CADPS2: variants seen among roughly 807,000 people sequenced by gnomAD.
CADPS2 encodes the protein calcium dependent secretion activator 2.
A neutral mutation model predicts 172.5 loss-of-function variants in CADPS2; 93 were observed. The observed-to-expected ratio is 0.54, with a 90% CI of 0.46 to 0.64. The LOEUF (loss-of-function observed/expected upper bound fraction) is 0.64, where lower values mean the gene tolerates loss of function less well. Ranked by LOEUF, CADPS2 falls within the 30% of genes least tolerant of loss-of-function variation. The probability of loss-of-function intolerance (pLI) is 0.00; values close to 1 mark genes in which losing one functional copy is unlikely to be tolerated. For missense variants in CADPS2, 1,420 were observed against 1,565.9 expected (o/e 0.91, Z 1.57); for synonymous variants, 546 against 555.2 (o/e 0.98, Z 0.23).
chr7:122,847,088 C>CT (rs995525740), intron 1 of CADPS2, among the ~76,000 whole-genome samples: 8 of 151,614 alleles, frequency 5.3e-5, no homozygotes, highest in East Asian at 1.9e-4. Context: ...ACATTCATAC[C>CT]TTTTTTTTTC....
At chr7:122,539,644 A>G (rs2062694147) in intron 8 of CADPS2, among the ~76,000 whole-genome samples, 1 of 152,160 alleles carries the variant, frequency 6.6e-6, no homozygotes, top group Non-Finnish European at 1.5e-5. Flanking sequence ...CAGCCTTTGT[A>G]ACCAATGTAA....
intron 1 of CADPS2, among the ~76,000 whole-genome samples, chr7:122,738,697 T>C (rs1176072765): frequency 6.6e-6 from 1 of 152,094 alleles, no homozygotes; most frequent in Admixed American, 6.6e-5. Context: ...AAAAGGCTTA[T>C]TAAACTGCCA....
chr7:122,806,266 G>C (rs1798775411), intron 1 of CADPS2, among the ~76,000 whole-genome samples: 1 of 152,176 alleles, frequency 6.6e-6, no homozygotes, highest in Non-Finnish European at 1.5e-5. Context: ...GAATAAATCA[G>C]TATTGTGATG....
chr7:122,745,705 G>C (rs1178930755), intron 1 of CADPS2, among the ~76,000 whole-genome samples: 1 of 151,246 alleles, frequency 6.6e-6, no homozygotes, highest in African/African-American at 2.4e-5. Context: ...TGAAGTAAGG[G>C]AAAGCAAATA....
chr7:122,659,334 G>T (rs1446934650), intron 3 of CADPS2, among the ~76,000 whole-genome samples: 1 of 137,962 alleles, frequency 7.2e-6, no homozygotes, highest in African/African-American at 2.7e-5. Context: ...AAACACCGTG[G>T]AAAAAAATGA....
At chr7:122,530,457 T>G (rs955153391) in intron 8 of CADPS2, among the ~76,000 whole-genome samples, 7 of 152,106 alleles carry the variant, frequency 4.6e-5, no homozygotes, top group African/African-American at 7.2e-5. Context: ...TCTACTAATG[T>G]TGTTAAAATA....
intron 28 of CADPS2, among the ~76,000 whole-genome samples, chr7:122,334,883 T>G (rs929559602): frequency 1.3e-5 from 2 of 152,190 alleles, no homozygotes; most frequent in African/African-American, 4.8e-5. Context: ...TAAGCTCCCT[T>G]GGGGCAAGGA....
At chr7:122,492,308 C>T (rs1175060474) in intron 9 of CADPS2, among the ~76,000 whole-genome samples, 1 of 152,076 alleles carries the variant, frequency 6.6e-6, no homozygotes, top group Non-Finnish European at 1.5e-5. Flanking sequence ...AAATTTTGGG[C>T]AGCCAGTGAC....
At chr7:122,553,773 T>C (rs2064637554) in intron 8 of CADPS2, among the ~76,000 whole-genome samples, 1 of 152,174 alleles carries the variant, frequency 6.6e-6, no homozygotes, top group South Asian at 2.1e-4. Flanking sequence ...TAACTCAGGG[T>C]AAGCCACTTC....
At position 122,478,699 on chromosome 7, in the gene CADPS2, A is replaced by G. The variant is rs574036846; in HGVS notation, c.1861+2153T>C. ...ATACAGACTTGAAAATAGGTGGCAT[A>G]GAAAATGATGTGAGGACTATCAGTG... On this transcript the variant is annotated intron_variant, in intron 12 of 29. Transcript: ENST00000449022. Among the ~76,000 whole-genome samples, 25 of 152,328 alleles carry G rather than the reference A, an allele frequency of 1.6e-4. No individual in the cohort carries two copies. The South Asian group carries it at 5.0e-3, about 30-fold the overall frequency.
intron 5 of CADPS2, among the ~76,000 whole-genome samples, chr7:122,618,211 C>T (rs1340913234): frequency 6.6e-6 from 1 of 152,060 alleles, no homozygotes; most frequent in East Asian, 1.9e-4. Context: ...CTTCTGAAGC[C>T]TTAATGAACA....
chr7:122,828,038 CT>C (rs965961388), intron 1 of CADPS2, among the ~76,000 whole-genome samples: 2 of 152,102 alleles, frequency 1.3e-5, no homozygotes, highest in African/African-American at 4.8e-5. Flanking sequence ...CTGTGGATGT[CT>C]GATTTTCCTT....
chr7:122,636,664 C>T lies in CADPS2; in HGVS notation c.787-7336G>A, dbSNP rs145995080. On this transcript the variant is annotated intron_variant, in intron 3 of 29. Transcript: ENST00000449022. ...TATTTTTAGTAAAGACAAGGTTTCA[C>T]CATGTTGACCAGACTGGTCTCGAAC... Among the ~76,000 whole-genome samples the T allele has an allele frequency of 9.9e-5, 15 of 152,152 alleles. No individual in the cohort carries two copies. The East Asian group carries it at 2.9e-3, about 29-fold the overall frequency.
intron 2 of CADPS2, among the ~76,000 whole-genome samples, chr7:122,700,369 A>G (rs148948750): frequency 6.6e-6 from 1 of 152,314 alleles, no homozygotes; most frequent in African/African-American, 2.4e-5. Flanking sequence ...AACAAAAACT[A>G]GTATAAAAAG....
At chr7:122,352,202 C>T (rs902966360) in intron 27 of CADPS2, among the ~76,000 whole-genome samples, 3 of 152,178 alleles carry the variant, frequency 2.0e-5, no homozygotes, top group African/African-American at 7.2e-5. Flanking sequence ...TACCTATGAG[C>T]TTTATACTAT....
chr7:122,833,399 G>T (rs1807231626), intron 1 of CADPS2, among the ~76,000 whole-genome samples: 1 of 151,972 alleles, frequency 6.6e-6, no homozygotes, highest in Admixed American at 6.6e-5. Flanking sequence ...TGCCCGGGCT[G>T]GAGTACAGTG....
chr7:122,843,763 G>A (rs553810846), intron 1 of CADPS2, among the ~76,000 whole-genome samples: 9 of 152,238 alleles, frequency 5.9e-5, no homozygotes, highest in Admixed American at 3.3e-4. Context: ...ATGAAGAGAT[G>A]GTAAAGAGGG....
chr7:122,785,767 T>C (rs1451669034), intron 1 of CADPS2, among the ~76,000 whole-genome samples: 2 of 152,074 alleles, frequency 1.3e-5, no homozygotes, highest in African/African-American at 2.4e-5. Flanking sequence ...TCTACCCCTC[T>C]GGAGCTCTTT....
At chr7:122,727,970 G>A (rs958381219) in intron 2 of CADPS2, among the ~76,000 whole-genome samples, 1 of 151,874 alleles carries the variant, frequency 6.6e-6, no homozygotes, top group African/African-American at 2.4e-5. Context: ...ATCTATGAAT[G>A]TGTTGACATT....
Sources: allele counts gnomAD v4.1 joint callset (sites outside exome capture counted in the v4.1 genomes callset), GRCh38; gene constraint gnomAD v4.1.1; transcripts MANE v1.5; gene names NCBI Gene and HGNC (gene_info 2026-07-23, HGNC 2026-07-21).